The following GREB1L variants were observed in gnomAD, a reference collection of about 807,000 sequenced individuals.
The protein encoded by GREB1L is GREB1 like retinoic acid receptor coactivator.
A neutral mutation model predicts 200.8 loss-of-function variants in GREB1L; 17 were observed. The ratio of observed to expected loss-of-function variants is 0.08; its 90% CI spans 0.06 to 0.13. GREB1L has a LOEUF of 0.13. Among genes scored for constraint, GREB1L ranks in the 10% least tolerant of loss-of-function variants. The probability of loss-of-function intolerance (pLI) is 1.00; values close to 1 mark genes in which losing one functional copy is unlikely to be tolerated. For synonymous variants in GREB1L, 789 were observed against 893.0 expected, an observed-to-expected ratio of 0.88 and a Z score of 2.08; for missense variants, 1,657 against 2,367.7, an observed-to-expected ratio of 0.70 and a Z score of 6.23.
intron 9 of GREB1L, 115 bp downstream of exon 9, chr18:21,440,503 A>G: frequency 9.7e-7 from 1 of 1,032,008 alleles, no homozygotes; most frequent in Non-Finnish European, 1.4e-6. Context: ...TATTGATAGT[A>G]GCTAATGTTT....
At chr18:21,350,865 T>C (rs1598684330) in intron 1 of GREB1L, among the ~76,000 whole-genome samples, 1 of 152,110 alleles carries the variant, frequency 6.6e-6, no homozygotes, top group Non-Finnish European at 1.5e-5. Flanking sequence ...GGAAAAAAAC[T>C]GTTTGACACT....
chr18:21,347,950 T>C (rs1169910569), intron 1 of GREB1L, among the ~76,000 whole-genome samples: 7 of 128,328 alleles, frequency 5.5e-5, no homozygotes, highest in African/African-American at 1.8e-4. Flanking sequence ...TTTTTTTTTT[T>C]TTTTTTTTTT....
rs909023944 is a variant in GREB1L at position 21,526,071 on chromosome 18, C to G, written c.*3250C>G. 3.3e-5 allele frequency among the ~76,000 whole-genome samples: 5 copies of G among 152,124 alleles called. No homozygotes were observed. Among genetic ancestry groups the G allele is most frequent in the African/African-American group, 1.2e-4 (5 of 41,414 alleles). On this transcript the variant is annotated 3_prime_UTR_variant, in exon 33 of 33. Transcript: ENST00000424526. ...GCAACATCACACTAAACTACTTAGG[C>G]CTGAAACAACATCCAGAGAACGAAC...
rs2145849698 is a variant in GREB1L, at chr18:21,490,134, G to T, written c.2813G>T (p.Ser938Ile). 5 of 1,551,818 alleles carry T rather than the reference G, an allele frequency of 3.2e-6. No individual in the cohort carries two copies. The highest frequency in any genetic ancestry group is 4.4e-6 in the Non-Finnish European group (5 of 1,147,006). The part of the protein sequence containing the change: ...LRDHSTPETL[S>I]IMDDLISSPG... ...GACCACAGCACACCAGAAACACTCA[G>T]CATTATGGATGACCTCATCAGCTCC... is the stretch of plus-strand genomic sequence containing the variant. Residue 938 changes from serine (S) to isoleucine (I), a missense_variant, in exon 19 of 33, where the codon AGC becomes ATC. Coordinates refer to ENST00000424526, the MANE Select transcript of GREB1L (RefSeq NM_001142966.3).
Position 21,525,024 on chromosome 18 carries a change from A to ATATATATAT in GREB1L, c.*2206_*2207insATATATTAT, listed in dbSNP as rs1300949934. 1.3e-5 allele frequency: 2 copies of ATATATATAT among 150,968 alleles called. No homozygotes were observed. The highest frequency in any genetic ancestry group is 3.9e-4 in the East Asian group (2 of 5,184). The allele number at this position is 150,968 out of a possible 1,614,324, so 9.4% of individuals were successfully genotyped here. A position where few individuals can be genotyped will look rare whatever the true frequency, so the allele number is the denominator to read the frequency against. On this transcript the variant is annotated 3_prime_UTR_variant, in exon 33 of 33. Coordinates refer to ENST00000424526, the MANE Select transcript of GREB1L (RefSeq NM_001142966.3). The stretch of plus-strand genomic sequence containing the variant: ...CCATGATTTGTGTGTATATATATAT[A>ATATATATAT]TATCCTAGTGTGTTCAGCTTTAAGC...
intron 1 of GREB1L, among the ~76,000 whole-genome samples, chr18:21,283,366 C>A (rs2038303189): frequency 6.6e-6 from 1 of 152,180 alleles, no homozygotes. Flanking sequence ...AAGGCAGCAG[C>A]AACATCACAG....
chr18:21,441,629 ATT>A, intron 10 of GREB1L, 92 bp downstream of exon 10: 1 of 1,169,466 alleles, frequency 8.6e-7, no homozygotes, highest in Non-Finnish European at 1.2e-6. Context: ...TCATGAAGAT[ATT>A]CATCCATCTG....
At chr18:21,368,510 T>G (rs1301130322) in intron 2 of GREB1L, among the ~76,000 whole-genome samples, 2 of 152,184 alleles carry the variant, frequency 1.3e-5, no homozygotes, top group Non-Finnish European at 2.9e-5. Flanking sequence ...TTATAGTGCT[T>G]TTTCTTTCAA....
intron 15 of GREB1L, chr18:21,454,868 A>G (rs1373714189): frequency 3.1e-5 from 12 of 383,552 alleles, no homozygotes; most frequent in South Asian, 2.4e-4. Flanking sequence ...CAAGGCGAGG[A>G]TGGCCCTGCA....
intron 1 of GREB1L, among the ~76,000 whole-genome samples, chr18:21,315,093 T>C (rs2038847370): frequency 6.6e-6 from 1 of 152,170 alleles, no homozygotes; most frequent in East Asian, 1.9e-4. Context: ...TTTATTTATT[T>C]ATTTTTATTT....
chr18:21,405,527 G>A (rs1294034476), intron 7 of GREB1L, among the ~76,000 whole-genome samples: 2 of 152,190 alleles, frequency 1.3e-5, no homozygotes, highest in African/African-American at 2.4e-5. Context: ...ATGGCTGGGC[G>A]CAGTGGTTCA....
chr18:21,285,680 C>A (rs960058939), intron 1 of GREB1L, among the ~76,000 whole-genome samples: 9 of 152,202 alleles, frequency 5.9e-5, no homozygotes, highest in East Asian at 1.9e-4. Flanking sequence ...AAATTAATTT[C>A]TATCTAAAGC....
intron 28 of GREB1L, 73 bp downstream of exon 28, chr18:21,514,059 T>A (rs1283830837): frequency 7.3e-7 from 1 of 1,368,326 alleles, no homozygotes; most frequent in Non-Finnish European, 9.9e-7. Flanking sequence ...TACAGTTACA[T>A]ACGGAAGTAA....
chr18:21,385,734 A>T (rs1213645712), intron 4 of GREB1L, among the ~76,000 whole-genome samples: 9 of 152,220 alleles, frequency 5.9e-5, no homozygotes. Context: ...TTATCAGGTA[A>T]CAAAATGGAA....
intron 1 of GREB1L, among the ~76,000 whole-genome samples, chr18:21,278,100 C>T (rs2144386914): frequency 6.6e-6 from 1 of 152,288 alleles, no homozygotes; most frequent in Admixed American, 6.5e-5. Context: ...TACAACAAGG[C>T]TGGGCACAGT....
At chr18:21,430,977 T>C (rs1040245806) in intron 7 of GREB1L, among the ~76,000 whole-genome samples, 15 of 148,270 alleles carry the variant, frequency 1.0e-4, no homozygotes, top group Non-Finnish European at 5.9e-5. Flanking sequence ...TTGTATGTTG[T>C]GTTTAATTTT....
chr18:21,474,309 C>T (rs545518784), intron 16 of GREB1L, among the ~76,000 whole-genome samples: 104 of 152,272 alleles, frequency 6.8e-4, no homozygotes, highest in African/African-American at 2.4e-3. Context: ...GGGGTACAGG[C>T]ATTGGATAAA....
At chr18:21,266,512 A>G (rs1289097960) in intron 1 of GREB1L, among the ~76,000 whole-genome samples, 1 of 152,232 alleles carries the variant, frequency 6.6e-6, no homozygotes, top group Non-Finnish European at 1.5e-5. Flanking sequence ...GAAGAGCCAG[A>G]GACAAGTGGA....
intron 13 of GREB1L, chr18:21,451,369 A>G: frequency 2.4e-6 from 1 of 413,146 alleles, no homozygotes; most frequent in Non-Finnish European, 4.3e-6. Flanking sequence ...GTCTCAGCTC[A>G]GCCACAACCT....
Sources: gnomAD v4.1 joint callset for allele counts (sites outside exome capture counted in the v4.1 genomes callset) on GRCh38, gnomAD v4.1.1 for gene constraint, MANE v1.5 for transcripts, NCBI Gene and HGNC (gene_info 2026-07-23, HGNC 2026-07-21) for gene names.